Variants in VWA3B observed in about 807,000 individuals in gnomAD.
VWA3B encodes the protein von Willebrand factor A domain-containing protein 3B.
Under a neutral mutation model 158.3 loss-of-function variants are expected in VWA3B, and 138 were observed. The ratio of observed to expected loss-of-function variants is 0.87; its 90% CI spans 0.76 to 1.00. The LOEUF is 1.00. Ranked by LOEUF, VWA3B falls within the 50% of genes least tolerant of loss-of-function variation. VWA3B has a pLI of 0.00. For missense variants in VWA3B, 1,555 were observed against 1,565.1 expected (o/e 0.99, Z 0.11); for synonymous variants, 596 against 587.3 (o/e 1.01, Z -0.21).
At chr2:98,303,542 T>C (rs1480361214) in intron 25 of VWA3B, among the ~76,000 whole-genome samples, 160 bp from the exon 26 acceptor site, 3 of 151,982 alleles carry the variant, frequency 2.0e-5, no homozygotes, top group Non-Finnish European at 2.9e-5. Context: ...CAGCAAATAA[T>C]TGTCAAGTGA....
chr2:98,200,395 A>C (rs1349515578), intron 12 of VWA3B, among the ~76,000 whole-genome samples: 1 of 152,166 alleles, frequency 6.6e-6, no homozygotes, highest in African/African-American at 2.4e-5. Flanking sequence ...ACAAAAAATA[A>C]GCCAGGCGTG....
rs1686718143 is a variant in VWA3B, at chr2:98,250,320, G to T, written c.2676G>T (p.Val892=). 6 of 1,609,474 alleles carry T rather than the reference G, an allele frequency of 3.7e-6. No individual in the cohort carries two copies. The South Asian group carries it at 5.6e-5, about 15-fold the overall frequency. ...KHVVSKVFDE[V]FPLAHVCNDT... ...TTTCCTTTGCCATTGACATGCAGGT[G>T]TTCCCTCTGGCACATGTGTGCAACG... is the stretch of plus-strand genomic sequence containing the variant. The change falls in exon 20 of 28, where the codon GTG becomes GTT. Residue 892 remains valine (V), a splice_region_variant and synonymous_variant. Transcript: ENST00000477737.
chr2:98,265,810 T>C (rs1393165972), intron 21 of VWA3B, among the ~76,000 whole-genome samples: 12 of 145,242 alleles, frequency 8.3e-5, no homozygotes, highest in African/African-American at 2.6e-4. Flanking sequence ...ATGAGCATTT[T>C]TTCATGTGTT....
intron 26 of VWA3B, among the ~76,000 whole-genome samples, chr2:98,309,630 C>T (rs1356385130): frequency 1.3e-5 from 2 of 152,214 alleles, no homozygotes; most frequent in Admixed American, 6.5e-5. Context: ...CCCTTGACCC[C>T]GTGTAGTGTT....
chr2:98,159,988 C>T lies in VWA3B; in HGVS notation c.989-2863C>T, dbSNP rs554637946. On this transcript the variant is annotated intron_variant, in intron 7 of 27. Coordinates refer to ENST00000477737, the MANE Select transcript of VWA3B (RefSeq NM_144992.5). ...TCGTGCTACTGCACTCCAGCCTGGG[C>T]GACAGAGCAAGAATCCATTAAAAAA... 8.1e-4 allele frequency among the ~76,000 whole-genome samples: 119 copies of T among 146,706 alleles called. 1 individual carries two copies. Among genetic ancestry groups the T allele is most frequent in the African/African-American group, 2.6e-3 (104 of 40,028 alleles).
At chr2:98,191,936 C>A (rs756220177) in intron 10 of VWA3B, among the ~76,000 whole-genome samples, 5 of 152,228 alleles carry the variant, frequency 3.3e-5, no homozygotes, top group Admixed American at 6.5e-5. Flanking sequence ...ACCTCCACCC[C>A]CCAGGCTTTG....
At chr2:98,092,652 T>C (rs1435131325) in intron 1 of VWA3B, among the ~76,000 whole-genome samples, 1 of 150,704 alleles carries the variant, frequency 6.6e-6, no homozygotes, top group Non-Finnish European at 1.5e-5. Flanking sequence ...CAAAAACAAA[T>C]GAACAAAAAA....
In VWA3B at chr2:98,265,255, C is replaced by A. The variant is rs549607704; in HGVS notation, c.2844-5427C>A. 1.9e-3 allele frequency among the ~76,000 whole-genome samples: 285 copies of A among 148,212 alleles called. 2 individuals are homozygous for A. Among genetic ancestry groups the A allele is most frequent in the African/African-American group, 6.8e-3 (273 of 40,204 alleles). On this transcript the variant is annotated intron_variant, in intron 21 of 27. Coordinates refer to ENST00000477737, the MANE Select transcript of VWA3B (RefSeq NM_144992.5). ...TCCCCTTCCTGTGTCCATGTGTTCT[C>A]ATTGTTCAATTCCCACCTGTGAGTG... is the stretch of plus-strand genomic sequence containing the variant.
At chr2:98,131,091 C>T (rs1378479641) in intron 6 of VWA3B, among the ~76,000 whole-genome samples, 1 of 152,166 alleles carries the variant, frequency 6.6e-6, no homozygotes, top group African/African-American at 2.4e-5. Flanking sequence ...ATTAACCAAC[C>T]TATTTTTATC....
chr2:98,139,111 C>T (rs1676518847), intron 7 of VWA3B, among the ~76,000 whole-genome samples: 1 of 152,228 alleles, frequency 6.6e-6, no homozygotes, highest in African/African-American at 2.4e-5. Flanking sequence ...CCGGCCGGCC[C>T]TGCCGGCCCC....
At chr2:98,187,902 C>T in intron 9 of VWA3B, 73 bp from the exon 10 acceptor site, 1 of 1,464,014 alleles carries the variant, frequency 6.8e-7, no homozygotes. Flanking sequence ...TACGACAGAG[C>T]TTAAGGTGCC....
At position 98,179,354 on chromosome 2, in the gene VWA3B, T is replaced by C. The variant is rs938631265; in HGVS notation, c.1115-1662T>C. On this transcript the variant is annotated intron_variant, in intron 8 of 27. Coordinates refer to ENST00000477737, the MANE Select transcript of VWA3B (RefSeq NM_144992.5). ...CAGTCTTCTCAGTGTAGATTACCTC[T>C]GGAAAACACCACGAGAATGTGCCTG... 11 of 470,796 alleles carry C rather than the reference T, an allele frequency of 2.3e-5. No homozygotes were observed. The Admixed American group carries it at 2.6e-4, about 11-fold the overall frequency. 29.2% of individuals were successfully genotyped at this position (470,796 alleles called of 1,614,324 possible).
chr2:98,324,008 C>T, the VWA3B span, among the ~76,000 whole-genome samples: 1 of 152,256 alleles, frequency 6.6e-6, no homozygotes, highest in South Asian at 2.1e-4. Context: ...GAGGCTTAAA[C>T]TCTGAATGAA....
chr2:98,317,707 CTTA>C (rs1274659085), downstream of VWA3B, among the ~76,000 whole-genome samples: 1 of 152,152 alleles, frequency 6.6e-6, no homozygotes, highest in Non-Finnish European at 1.5e-5. Flanking sequence ...CATTCTATAT[CTTA>C]AAGGTATTTA....
chr2:98,235,294 A>T (rs1368461621), intron 17 of VWA3B, among the ~76,000 whole-genome samples: 1 of 152,202 alleles, frequency 6.6e-6, no homozygotes, highest in African/African-American at 2.4e-5. Flanking sequence ...CCAGTTAAAC[A>T]CACACATATA....
intron 12 of VWA3B, among the ~76,000 whole-genome samples, chr2:98,198,080 ATATT>A (rs1202796121): frequency 3.3e-5 from 5 of 151,906 alleles, no homozygotes; most frequent in Non-Finnish European, 5.9e-5. Context: ...ATAAACATCT[ATATT>A]TATTTATCTG....
At chr2:98,185,409 G>A (rs1680955347) in intron 9 of VWA3B, among the ~76,000 whole-genome samples, 1 of 152,150 alleles carries the variant, frequency 6.6e-6, no homozygotes, top group South Asian at 2.1e-4. Context: ...TTATCTCCGT[G>A]CAGTTAACTG....
chr2:98,181,178 C>A lies in VWA3B; in HGVS notation c.1277C>A (p.Ala426Asp). ...RHADGVVDIKAKPENESVQTS... is the reference protein window; with the variant it reads ...RHADGVVDIKDKPENESVQTS... Reference sequence around the variant, plus strand: ...GCTGATGGGGTTGTGGATATAAAAGCCAAACCGGAGAATGAGTCCGTGCAG... The same window carrying A: ...GCTGATGGGGTTGTGGATATAAAAGACAAACCGGAGAATGAGTCCGTGCAG... The change falls in exon 9 of 28, where the codon GCC (alanine) becomes GAC (aspartate). Residue 426 changes from alanine (A) to aspartate (D), a missense_variant. Coordinates refer to ENST00000477737, the MANE Select transcript of VWA3B (RefSeq NM_144992.5). 1 of 1,614,156 alleles carries A rather than the reference C, an allele frequency of 6.2e-7. No homozygotes were observed. The highest frequency in any genetic ancestry group is 8.5e-7 in the Non-Finnish European group (1 of 1,180,016).
At chr2:98,166,557 T>C (rs1679090119) in intron 8 of VWA3B, among the ~76,000 whole-genome samples, 1 of 152,160 alleles carries the variant, frequency 6.6e-6, no homozygotes, top group Non-Finnish European at 1.5e-5. Context: ...CCAGCGTTGC[T>C]GGCACCTTCA....
Sources: allele counts gnomAD v4.1 joint callset (sites outside exome capture counted in the v4.1 genomes callset), GRCh38; gene constraint gnomAD v4.1.1; transcripts MANE v1.5; gene names NCBI Gene and HGNC (gene_info 2026-07-23, HGNC 2026-07-21).